Variants in CDK5RAP3 observed in about 807,000 individuals in gnomAD.
The protein encoded by CDK5RAP3 is CDK5 regulatory subunit-associated protein 3.
A neutral mutation model predicts 73.3 loss-of-function variants in CDK5RAP3; 58 were observed. The observed-to-expected ratio is 0.79, with a 90% CI of 0.64 to 0.98. The LOEUF is 0.98. Among genes scored for constraint, CDK5RAP3 ranks in the 50% least tolerant of loss-of-function variants. The probability of loss-of-function intolerance (pLI) is 0.00; values close to 1 mark genes in which losing one functional copy is unlikely to be tolerated. For missense variants in CDK5RAP3, 525 were observed against 615.8 expected (o/e 0.85, Z 1.56); for synonymous variants, 224 against 247.5 (o/e 0.91, Z 0.89).
At chr17:47,968,375 C>T (rs1053919719), upstream of CDK5RAP3, among the ~76,000 whole-genome samples, 5 of 152,086 alleles carry the variant, frequency 3.3e-5, no homozygotes, top group African/African-American at 1.2e-4. Context: ...AGTGCAGTGG[C>T]GCAATCTGGG....
chr17:47,977,701 G>C, intron 9 of CDK5RAP3, 131 bp from the exon 10 acceptor site: 1 of 726,306 alleles, frequency 1.4e-6, no homozygotes, highest in Non-Finnish European at 2.3e-6. Flanking sequence ...TGGCACCTAA[G>C]TCAGGGCTGC....
In CDK5RAP3 at chr17:47,975,142, T is replaced by G. The variant is rs1433904335; in HGVS notation, c.335-17T>G. ...ATGTGGGGGTGTCCTGGGCTGAATT[T>G]CCTGGGCACTTCTCAGTGGAACTCT... On this transcript the variant is annotated splice_polypyrimidine_tract_variant and intron_variant, in intron 5 of 13. Transcript: ENST00000338399. The G allele has an allele frequency of 3.7e-6, 6 of 1,613,910 alleles. No homozygotes were observed. Among genetic ancestry groups the G allele is most frequent in the Non-Finnish European group, 5.1e-6 (6 of 1,179,972 alleles).
At position 47,971,158 on chromosome 17, in the gene CDK5RAP3, G is replaced by A; in HGVS notation, c.6+6G>A. 6.5e-7 allele frequency: 1 copy of A among 1,548,676 alleles called. No individual in the cohort carries two copies. Among genetic ancestry groups the A allele is most frequent in the Non-Finnish European group, 8.7e-7 (1 of 1,145,370 alleles). On this transcript the variant is annotated splice_donor_region_variant and intron_variant, in intron 1 of 13. Coordinates refer to ENST00000338399, the MANE Select transcript of CDK5RAP3 (RefSeq NM_176096.3). ...GAAGTGGAGGAAAGATGGAGGTGTG[G>A]GGACAGGAGCTGGGTGTGCTGGGGA...
Position 47,971,415 on chromosome 17 carries a change from G to C in CDK5RAP3, c.52+8G>C. 1 of 1,599,794 alleles carries C rather than the reference G, an allele frequency of 6.3e-7. No homozygotes were observed. Among genetic ancestry groups the C allele is most frequent in the Non-Finnish European group, 8.5e-7 (1 of 1,172,732 alleles). ...AGACCAGCAAGCTGCTCGGTAGGAGGGGGCGCCACCGCGCAGCTGGCTGTC... is the reference window on the plus strand; with the variant it reads ...AGACCAGCAAGCTGCTCGGTAGGAGCGGGCGCCACCGCGCAGCTGGCTGTC... On this transcript the variant is annotated splice_region_variant and intron_variant, in intron 2 of 13. Transcript: ENST00000338399.
upstream of CDK5RAP3, among the ~76,000 whole-genome samples, chr17:47,969,575 A>G (rs1243654513): frequency 1.1e-4 from 14 of 129,498 alleles, no homozygotes; most frequent in East Asian, 1.6e-3. Flanking sequence ...AAAAAAAAAA[A>G]AAAAAAAAAG....
At position 47,981,539 on chromosome 17, in the gene CDK5RAP3, T is replaced by G; in HGVS notation, c.*37T>G. On this transcript the variant is annotated 3_prime_UTR_variant, in exon 14 of 14. Coordinates refer to ENST00000338399, the MANE Select transcript of CDK5RAP3 (RefSeq NM_176096.3). ...TTCTTGCCTGCCCATCTTCTCCGCTTTTGGGATGAAGATGATAGCCAGGGC... is the reference window on the plus strand; with the variant it reads ...TTCTTGCCTGCCCATCTTCTCCGCTGTTGGGATGAAGATGATAGCCAGGGC... 6.2e-7 allele frequency: 1 copy of G among 1,614,158 alleles called. No individual in the cohort carries two copies. Among genetic ancestry groups the G allele is most frequent in the Non-Finnish European group, 8.5e-7 (1 of 1,180,026 alleles).
upstream of CDK5RAP3, chr17:47,970,974 G>C: frequency 6.8e-7 from 1 of 1,462,492 alleles, no homozygotes; most frequent in Non-Finnish European, 9.0e-7. Flanking sequence ...CCTGGGGTGG[G>C]CGGGGCTTGA....
chr17:47,971,432 C>T (rs375146310), intron 2 of CDK5RAP3, 25 bp downstream of exon 2: 63 of 1,582,372 alleles, frequency 4.0e-5, no homozygotes, highest in Admixed American at 5.3e-5. Flanking sequence ...CACCGCGCAG[C>T]TGGCTGTCGG....
rs200154958 is a variant in CDK5RAP3 at position 47,973,954 on chromosome 17, A to C, written c.208A>C (p.Arg70=). 5 of 1,613,854 alleles carry C rather than the reference A, an allele frequency of 3.1e-6. No individual in the cohort carries two copies. Among genetic ancestry groups the C allele is most frequent in the Admixed American group, 3.3e-5 (2 of 60,002 alleles). The stretch of plus-strand genomic sequence containing the variant: ...AGACATTCACTACTTTCACTGCCTA[A>C]GAATCCTGGACCTTCTCAAAGGCAC... The part of the protein sequence containing the change: ...GSYIHYFHCL[R]ILDLLKGTEA... Residue 70 remains arginine (R), a synonymous_variant, in exon 4 of 14, where the codon AGA becomes CGA. Coordinates refer to ENST00000338399, the MANE Select transcript of CDK5RAP3 (RefSeq NM_176096.3).
intron 11 of CDK5RAP3, chr17:47,979,223 A>C: frequency 3.7e-6 from 1 of 271,426 alleles, no homozygotes; most frequent in Admixed American, 5.1e-5. Context: ...AATAAATAAA[A>C]TATGCAGGAT....
In CDK5RAP3 at chr17:47,973,889, G is replaced by A. The variant is rs779411605; in HGVS notation, c.185-42G>A. ...ACCTGCAGTGCCCAGAGTAGGTGAAGAAGATACTTTAGTTCTCGAAATCCC... is the reference window on the plus strand; with the variant it reads ...ACCTGCAGTGCCCAGAGTAGGTGAAAAAGATACTTTAGTTCTCGAAATCCC... On this transcript the variant is annotated intron_variant, in intron 3 of 13. Transcript: ENST00000338399. 87 of 1,491,398 alleles carry A rather than the reference G, an allele frequency of 5.8e-5. No homozygotes were observed. The East Asian group carries it at 1.4e-3, about 24-fold the overall frequency. 92.4% of individuals were successfully genotyped at this position (1,491,398 alleles called of 1,614,324 possible).
At chr17:47,969,180 C>A (rs573447106), upstream of CDK5RAP3, among the ~76,000 whole-genome samples, 1 of 152,280 alleles carries the variant, frequency 6.6e-6, no homozygotes, top group African/African-American at 2.4e-5. Flanking sequence ...TGCTGTATCA[C>A]ACTATGCATT....
At chr17:47,981,368 G>A in intron 13 of CDK5RAP3, 34 bp downstream of exon 13, 2 of 1,613,790 alleles carry the variant, frequency 1.2e-6, no homozygotes, top group South Asian at 2.2e-5. Flanking sequence ...CCAGTGGGAG[G>A]ACTCCCAGTC....
chr17:47,977,491 C>G (rs143605676), intron 9 of CDK5RAP3, among the ~76,000 whole-genome samples: 104 of 152,150 alleles, frequency 6.8e-4, no homozygotes, highest in African/African-American at 2.3e-3. Context: ...CCGTGTTGGC[C>G]ATGCTGGTAA....
chr17:47,972,093 G>GAA (rs11448169), intron 2 of CDK5RAP3, among the ~76,000 whole-genome samples: 2,726 of 145,812 alleles, frequency 0.019, 50 homozygotes, highest in African/African-American at 0.056. Context: ...ATTATGCCAG[G>GAA]AAAAAAAAAA....
In CDK5RAP3 at chr17:47,974,463, C is replaced by A. The variant is rs777621234; in HGVS notation, c.334+15C>A. 6.2e-7 allele frequency: 1 copy of A among 1,614,154 alleles called. No individual in the cohort carries two copies. Among genetic ancestry groups the A allele is most frequent in the Non-Finnish European group, 8.5e-7 (1 of 1,180,012 alleles). On this transcript the variant is annotated intron_variant, in intron 5 of 13. Coordinates refer to ENST00000338399, the MANE Select transcript of CDK5RAP3 (RefSeq NM_176096.3). ...CACCTACTTAGGTAAAGTGGCCCGGCCTGGGAGCCCTGGTATCCATGGGGA... is the reference window on the plus strand; with the variant it reads ...CACCTACTTAGGTAAAGTGGCCCGGACTGGGAGCCCTGGTATCCATGGGGA...
At chr17:47,977,991 G>A (rs1013764499) in intron 10 of CDK5RAP3, 81 bp downstream of exon 10, 87 of 972,580 alleles carry the variant, frequency 8.9e-5, no homozygotes, top group African/African-American at 1.3e-4. Context: ...AAAATGCAGC[G>A]CTAAGATGAG....
chr17:47,973,629 G>A lies in CDK5RAP3; in HGVS notation c.163G>A (p.Ala55Thr), dbSNP rs1490985530. 3.1e-6 allele frequency: 5 copies of A among 1,614,098 alleles called. No individual in the cohort carries two copies. Among genetic ancestry groups the A allele is most frequent in the Non-Finnish European group, 3.4e-6 (4 of 1,180,014 alleles). ...IQDMPESEEI[A>T]QLLSGSYIHY... ...GGACATGCCAGAGAGCGAAGAGATC[G>A]CCCAGCTGCTGTCTGGGTCCTGTGA... Residue 55 changes from alanine to threonine, a missense_variant, in exon 3 of 14, where the codon GCC (alanine) becomes ACC (threonine). This residue lies in a region of CDK5RAP3 where 409 missense variants were observed against 429.8 expected (regional missense o/e 0.95). Coordinates refer to ENST00000338399, the MANE Select transcript of CDK5RAP3 (RefSeq NM_176096.3).
intron 1 of CDK5RAP3, 41 bp downstream of exon 1, chr17:47,971,193 G>T (rs191902054): frequency 1.3e-6 from 2 of 1,535,868 alleles, no homozygotes; most frequent in South Asian, 2.4e-5. Context: ...ACTGGCCGCG[G>T]ACCCCTAACC....
Sources: allele counts gnomAD v4.1 joint callset (sites outside exome capture counted in the v4.1 genomes callset), GRCh38; gene constraint gnomAD v4.1.1; regional missense constraint gnomAD v4.1.1; transcripts MANE v1.5; gene names NCBI Gene and HGNC (gene_info 2026-07-23, HGNC 2026-07-21).